The following RBFOX1 variants were observed in gnomAD, a reference collection of about 807,000 sequenced individuals.
RBFOX1 encodes the protein RNA binding fox-1 homolog 1.
A neutral mutation model predicts 57.7 loss-of-function variants in RBFOX1; 8 were observed. The ratio of observed to expected loss-of-function variants is 0.14; its 90% CI spans 0.08 to 0.25. RBFOX1 has a LOEUF of 0.25. RBFOX1 is among the 10% of genes least tolerant of loss of function. The probability of loss-of-function intolerance (pLI) is 1.00; values close to 1 mark genes in which losing one functional copy is unlikely to be tolerated. For missense variants in RBFOX1, 611 were observed against 548.5 expected, an observed-to-expected ratio of 1.11 and a Z score of -1.14; for synonymous variants, 326 against 222.4, an observed-to-expected ratio of 1.47 and a Z score of -4.15.
intron 4 of RBFOX1, among the ~76,000 whole-genome samples, chr16:7,317,816 C>G (rs2096472133): frequency 1.3e-5 from 2 of 152,330 alleles, no homozygotes; most frequent in South Asian, 4.1e-4. Context: ...TTCATTTCTA[C>G]ATTTACGAAG....
chr16:6,596,024 A>G (rs1600961273), intron 2 of RBFOX1, among the ~76,000 whole-genome samples: 1 of 151,950 alleles, frequency 6.6e-6, no homozygotes, highest in Non-Finnish European at 1.5e-5. Flanking sequence ...TCTGAATAAA[A>G]ATTTTCAAAT....
chr16:7,154,855 G>A (rs1187886792), intron 4 of RBFOX1, among the ~76,000 whole-genome samples: 5 of 152,058 alleles, frequency 3.3e-5, no homozygotes, highest in Non-Finnish European at 7.3e-5. Context: ...TTTGAAGTTT[G>A]TATTGTTATG....
In RBFOX1 at chr16:5,759,395, C is replaced by T. The variant is rs375905539; in HGVS notation, c.319-107908C>T. 1.2e-4 allele frequency among the ~76,000 whole-genome samples: 18 copies of T among 152,328 alleles called. No homozygotes were observed. In the East Asian group the frequency reaches 2.3e-3, roughly 20 times the overall value. ...GATCCTCCTCCACGTCTCTCACCAC[C>T]TTGTACAATTCCTGACCTCTCATTT... On this transcript the variant is annotated intron_variant, in intron 3 of 19. Coordinates refer to the RBFOX1 transcript ENST00000641259.
At chr16:6,973,224 G>T (rs376356038) in intron 3 of RBFOX1, among the ~76,000 whole-genome samples, 40 of 152,120 alleles carry the variant, frequency 2.6e-4, no homozygotes, top group African/African-American at 9.6e-4. Context: ...AGGATATCAG[G>T]GGTTCTTCCC....
chr16:6,571,030 C>A (rs1226282916), intron 2 of RBFOX1, among the ~76,000 whole-genome samples: 1 of 152,072 alleles, frequency 6.6e-6, no homozygotes, highest in Non-Finnish European at 1.5e-5. Flanking sequence ...AGGAGAAGGT[C>A]CTACTGAGAT....
At position 6,265,560 on chromosome 16, in the gene RBFOX1, C is replaced by T. The variant is rs2074377414; in HGVS notation, c.-126-51435C>T. On this transcript the variant is annotated intron_variant, in intron 1 of 15. Coordinates refer to ENST00000550418, the MANE Select transcript of RBFOX1 (RefSeq NM_018723.4). The stretch of plus-strand genomic sequence containing the variant: ...TACAGGTATGAGCCACTGTGCCCGG[C>T]CAGTTTGACATTTTGCATAGCTTAC... Among the ~76,000 whole-genome samples the T allele has an allele frequency of 3.3e-5, 5 of 152,168 alleles. No individual in the cohort carries two copies. The South Asian group carries it at 1.0e-3, about 32-fold the overall frequency.
chr16:7,367,806 G>C (rs139231104), intron 4 of RBFOX1, among the ~76,000 whole-genome samples: 133 of 152,012 alleles, frequency 8.7e-4, no homozygotes, highest in African/African-American at 3.1e-3. Context: ...TAAAAATCCA[G>C]ATTTTTGTGG....
intron 1 of RBFOX1, among the ~76,000 whole-genome samples, chr16:6,145,747 C>T (rs1280740595): frequency 1.3e-5 from 2 of 151,928 alleles, no homozygotes; most frequent in Admixed American, 1.3e-4. Flanking sequence ...AGGAGAAAAG[C>T]CAGTAGTATA....
At chr16:5,486,918 C>G (rs1008811029) in intron 2 of RBFOX1, among the ~76,000 whole-genome samples, 13 of 152,160 alleles carry the variant, frequency 8.5e-5, no homozygotes, top group African/African-American at 3.1e-4. Flanking sequence ...TCAGCAGCCT[C>G]TCTCAGACCT....
intron 4 of RBFOX1, among the ~76,000 whole-genome samples, chr16:7,139,822 A>G (rs977765205): frequency 6.6e-6 from 1 of 152,016 alleles, no homozygotes; most frequent in African/African-American, 2.4e-5. Flanking sequence ...TGGACAGAAG[A>G]CAAGCATTCA....
intron 2 of RBFOX1, among the ~76,000 whole-genome samples, chr16:5,573,701 C>T (rs2046359493): frequency 6.6e-6 from 1 of 152,168 alleles, no homozygotes; most frequent in Non-Finnish European, 1.5e-5. Context: ...GTGGCTCACA[C>T]CTATAACTGC....
chr16:5,534,160 T>C (rs1315326056), intron 2 of RBFOX1, among the ~76,000 whole-genome samples: 1 of 152,068 alleles, frequency 6.6e-6, no homozygotes, highest in Non-Finnish European at 1.5e-5. Flanking sequence ...TAGGGTGTCA[T>C]AGGTGCAAGG....
At chr16:7,503,620 C>T (rs751742638) in intron 4 of RBFOX1, among the ~76,000 whole-genome samples, 8 of 152,064 alleles carry the variant, frequency 5.3e-5, no homozygotes, top group South Asian at 2.1e-4. Context: ...GAACTTTTCC[C>T]CCTTTAGAAA....
At chr16:7,216,664 A>G (rs989400472) in intron 4 of RBFOX1, among the ~76,000 whole-genome samples, 33 of 151,664 alleles carry the variant, frequency 2.2e-4, no homozygotes, top group African/African-American at 7.5e-4. Flanking sequence ...TCAAAATAAA[A>G]TAAAAATTAA....
intron 2 of RBFOX1, chr16:6,483,994 G>A (rs1477710811): frequency 1.0e-6 from 1 of 997,098 alleles, no homozygotes; most frequent in Non-Finnish European, 1.2e-6. Context: ...GGTGGGGGTG[G>A]TCTGGACACT....
At chr16:7,031,180 C>T (rs1038499287) in intron 3 of RBFOX1, among the ~76,000 whole-genome samples, 2 of 152,122 alleles carry the variant, frequency 1.3e-5, no homozygotes, top group Non-Finnish European at 2.9e-5. Flanking sequence ...GTCAGCAATG[C>T]CTTACAGTTA....
intron 1 of RBFOX1, among the ~76,000 whole-genome samples, chr16:6,110,194 TC>T (rs376083969): frequency 8.3e-5 from 6 of 72,166 alleles, no homozygotes; most frequent in East Asian, 6.2e-4. Flanking sequence ...ATTTTCTTCT[TC>T]TTTTTTTTTT....
At chr16:6,685,188 C>T (rs1000147568) in intron 3 of RBFOX1, among the ~76,000 whole-genome samples, 3 of 151,326 alleles carry the variant, frequency 2.0e-5, no homozygotes. Flanking sequence ...ACTTACTAAC[C>T]AAAAATAAAG....
intron 4 of RBFOX1, among the ~76,000 whole-genome samples, chr16:7,086,481 T>G (rs557751036): frequency 6.6e-6 from 1 of 152,154 alleles, no homozygotes; most frequent in Non-Finnish European, 1.5e-5. Context: ...TCATTCATGA[T>G]GTGTTTCAGT....
Sources: allele counts gnomAD v4.1 joint callset (sites outside exome capture counted in the v4.1 genomes callset), GRCh38; gene constraint gnomAD v4.1.1; transcripts MANE v1.5; gene names NCBI Gene and HGNC (gene_info 2026-07-23, HGNC 2026-07-21).